TMEM131L: variants seen among roughly 807,000 people sequenced by gnomAD.
TMEM131L encodes the protein transmembrane 131 like.
A neutral mutation model predicts 192.2 loss-of-function variants in TMEM131L; 54 were observed. The observed-to-expected ratio is 0.28, with a 90% CI of 0.23 to 0.35. The LOEUF is 0.35. TMEM131L is among the 10% of genes least tolerant of loss of function. The pLI, the probability that TMEM131L is intolerant of heterozygous loss-of-function variation, is 1.00. For missense variants in TMEM131L, 1,888 were observed against 1,972.9 expected (o/e 0.96, Z 0.82); for synonymous variants, 701 against 704.9 (o/e 0.99, Z 0.09).
At chr4:153,511,206 C>G (rs535138640) in intron 3 of TMEM131L, among the ~76,000 whole-genome samples, 120 of 152,288 alleles carry the variant, frequency 7.9e-4, no homozygotes, top group African/African-American at 2.7e-3. Context: ...GCACTATTCA[C>G]AGTAGCAGAG....
chr4:153,584,959 C>G (rs1307885094), intron 12 of TMEM131L, 28 bp downstream of exon 12: 1 of 1,491,278 alleles, frequency 6.7e-7, no homozygotes, highest in African/African-American at 1.4e-5. Context: ...TCCCTGAAAT[C>G]TTGTATGGTT....
At chr4:153,502,891 T>G (rs1733711068) in intron 3 of TMEM131L, among the ~76,000 whole-genome samples, 1 of 152,186 alleles carries the variant, frequency 6.6e-6, no homozygotes, top group Admixed American at 6.5e-5. Flanking sequence ...ATTATGAAGA[T>G]AACTAGGGGT....
At chr4:153,617,501 A>C (rs1238046772) in intron 26 of TMEM131L, among the ~76,000 whole-genome samples, 1 of 152,042 alleles carries the variant, frequency 6.6e-6, no homozygotes, top group African/African-American at 2.4e-5. Context: ...GCAAAATCTT[A>C]GTCAGTGTGA....
At chr4:153,598,852 T>G (rs2150915572) in intron 21 of TMEM131L, 120 bp downstream of exon 21, 3 of 785,334 alleles carry the variant, frequency 3.8e-6, no homozygotes, top group Middle Eastern at 8.4e-4. Context: ...TCTAAAAATT[T>G]ATAGTAAATT....
chr4:153,512,489 A>G (rs1734422276), intron 3 of TMEM131L, among the ~76,000 whole-genome samples: 1 of 152,210 alleles, frequency 6.6e-6, no homozygotes, highest in Non-Finnish European at 1.5e-5. Context: ...ATTTTAACAG[A>G]AAAGAATACT....
chr4:153,535,240 C>G (rs1172659069), intron 3 of TMEM131L, among the ~76,000 whole-genome samples: 1 of 152,092 alleles, frequency 6.6e-6, no homozygotes, highest in East Asian at 1.9e-4. Flanking sequence ...TTGGCTTGAA[C>G]AACTGAGCGG....
intron 2 of TMEM131L, among the ~76,000 whole-genome samples, chr4:153,470,315 T>C (rs1235584398): frequency 6.6e-6 from 1 of 152,214 alleles, no homozygotes; most frequent in South Asian, 2.1e-4. Flanking sequence ...ATTTTAGTGG[T>C]CCCTGAGCTG....
chr4:153,468,955 T>C (rs1367056780), intron 2 of TMEM131L, among the ~76,000 whole-genome samples: 2 of 152,246 alleles, frequency 1.3e-5, no homozygotes, highest in African/African-American at 4.8e-5. Context: ...TGATTGAGTC[T>C]AGTAGTATAT....
intron 7 of TMEM131L, among the ~76,000 whole-genome samples, chr4:153,571,116 T>G (rs985272759): frequency 1.7e-4 from 26 of 152,202 alleles, no homozygotes; most frequent in African/African-American, 5.1e-4. Context: ...GCAAAAGAGA[T>G]AAAATCAAGT....
At chr4:153,592,779 T>C (rs1026555087) in intron 18 of TMEM131L, among the ~76,000 whole-genome samples, 195 bp downstream of exon 18, 1 of 152,282 alleles carries the variant, frequency 6.6e-6, no homozygotes, top group Non-Finnish European at 1.5e-5. Flanking sequence ...CTGTGTGTTA[T>C]GTGGCATCTT....
intron 25 of TMEM131L, among the ~76,000 whole-genome samples, chr4:153,607,817 T>C (rs1287208334): frequency 6.6e-6 from 1 of 152,228 alleles, no homozygotes; most frequent in African/African-American, 2.4e-5. Context: ...AGAAACATAA[T>C]ATTTTGTAAG....
Position 153,604,220 on chromosome 4 carries a change from CCTT to C in TMEM131L, c.3213_3215del (p.Ser1072del), listed in dbSNP as rs769674021. On this transcript the variant is annotated inframe_deletion, in exon 25 of 35. Transcript: ENST00000409959. ...GAAAAACACAATTGTTTTCAGTAAT[CCTT>C]CTTCAGAATGTAGTATGAAGGAGGG... 13 of 1,614,034 alleles carry C rather than the reference CCTT, an allele frequency of 8.1e-6. No homozygotes were observed. The Admixed American group carries it at 1.3e-4, about 17-fold the overall frequency.
chr4:153,509,487 G>T (rs1366446691), intron 3 of TMEM131L, among the ~76,000 whole-genome samples: 1 of 152,162 alleles, frequency 6.6e-6, no homozygotes, highest in Non-Finnish European at 1.5e-5. Context: ...AGCACTTTAG[G>T]AGGCCGAAGT....
intron 9 of TMEM131L, 106 bp downstream of exon 9, chr4:153,581,666 T>C: frequency 1.5e-6 from 1 of 666,316 alleles, no homozygotes; most frequent in Non-Finnish European, 2.2e-6. Context: ...ACAAATAGCC[T>C]TTGCTTTAAT....
intron 4 of TMEM131L, among the ~76,000 whole-genome samples, chr4:153,553,378 C>G (rs1458662511): frequency 6.6e-6 from 1 of 151,510 alleles, no homozygotes; most frequent in Non-Finnish European, 1.5e-5. Context: ...CTTCTGATTT[C>G]TAAGAGCACT....
chr4:153,582,357 A>G (rs1730394645), intron 9 of TMEM131L, among the ~76,000 whole-genome samples: 1 of 145,274 alleles, frequency 6.9e-6, no homozygotes, highest in Non-Finnish European at 1.5e-5. Context: ...CGATCCTGCC[A>G]CCTTGGCCTC....
intron 2 of TMEM131L, among the ~76,000 whole-genome samples, chr4:153,469,713 G>A (rs1323684277): frequency 6.6e-6 from 1 of 152,142 alleles, no homozygotes; most frequent in Non-Finnish European, 1.5e-5. Context: ...GATCACCTGA[G>A]GTCAGGAGTT....
intron 30 of TMEM131L, 46 bp downstream of exon 30, chr4:153,626,271 C>A: frequency 8.7e-7 from 1 of 1,145,916 alleles, no homozygotes; most frequent in Admixed American, 1.8e-5. Context: ...TTGTGTACTG[C>A]TTTTTCTACC....
chr4:153,469,929 A>AAAACAAAC (rs137897297), intron 2 of TMEM131L, among the ~76,000 whole-genome samples: 4 of 150,992 alleles, frequency 2.6e-5, no homozygotes, highest in African/African-American at 7.3e-5. Flanking sequence ...TTTGTCTCAA[A>AAAACAAAC]AAACAAACAA....
Sources: allele counts gnomAD v4.1 joint callset (sites outside exome capture counted in the v4.1 genomes callset), GRCh38; gene constraint gnomAD v4.1.1; transcripts MANE v1.5; gene names NCBI Gene and HGNC (gene_info 2026-07-23, HGNC 2026-07-21).